The following COL4A1 variants were observed in gnomAD, a reference collection of about 807,000 sequenced individuals.
COL4A1 encodes the protein collagen type IV alpha 1 chain.
A neutral mutation model predicts 216.6 loss-of-function variants in COL4A1; 40 were observed. That is an observed-to-expected ratio of 0.18 (90% CI 0.14 to 0.24). The LOEUF (loss-of-function observed/expected upper bound fraction) is 0.24, where lower values mean the gene tolerates loss of function less well. COL4A1 is among the 10% of genes least tolerant of loss of function. COL4A1 has a pLI of 1.00. For synonymous variants in COL4A1, 839 were observed against 810.7 expected (o/e 1.03, Z -0.59); for missense variants, 1,628 against 2,196.8 (o/e 0.74, Z 5.18).
In COL4A1 at chr13:110,212,489, AG is replaced by A. The variant is rs772039868; in HGVS notation, c.325-11del. ...CTTGGCCAGGAATTCCCTGCAATGA[AG>A]AAAGTGAAAATGTAACCCAGGCAGA... On this transcript the variant is annotated splice_polypyrimidine_tract_variant and intron_variant, in intron 5 of 51. Coordinates refer to ENST00000375820, the MANE Select transcript of COL4A1 (RefSeq NM_001845.6). 6.2e-7 allele frequency: 1 copy of A among 1,614,254 alleles called. No homozygotes were observed. Among genetic ancestry groups the A allele is most frequent in the South Asian group, 1.1e-5 (1 of 91,088 alleles).
chr13:110,191,646 G>T, intron 24 of COL4A1: 1 of 687,160 alleles, frequency 1.5e-6, no homozygotes, highest in South Asian at 1.6e-5. Flanking sequence ...ATTTGAAAAA[G>T]CAACTGCACA....
At position 110,291,018 on chromosome 13, in the gene COL4A1, G is replaced by A. The variant is rs549187791; in HGVS notation, c.84+15926C>T. On this transcript the variant is annotated intron_variant, in intron 1 of 51. Transcript: ENST00000375820. ...ACCAGCACAGAGGTGCTCACAGGGC[G>A]GGTGGGGGGCTGTCCTGACCTGAAT... Among the ~76,000 whole-genome samples the A allele has an allele frequency of 8.5e-5, 13 of 152,206 alleles. No homozygotes were observed. The South Asian group carries it at 1.0e-3, about 12-fold the overall frequency.
At chr13:110,171,181 G>A (rs149020657) in intron 41 of COL4A1, among the ~76,000 whole-genome samples, 10 of 152,356 alleles carry the variant, frequency 6.6e-5, no homozygotes, top group Admixed American at 4.6e-4. Context: ...GATCTCAAAC[G>A]AATTATGTCG....
chr13:110,166,896 T>C (rs1877370183), intron 44 of COL4A1, among the ~76,000 whole-genome samples: 1 of 152,202 alleles, frequency 6.6e-6, no homozygotes, highest in African/African-American at 2.4e-5. Flanking sequence ...AATTAATGAA[T>C]AGCCCAAATC....
chr13:110,295,282 G>A (rs977404174), intron 1 of COL4A1, among the ~76,000 whole-genome samples: 6 of 145,616 alleles, frequency 4.1e-5, no homozygotes, highest in Admixed American at 3.4e-4. Context: ...TTTTTGAGAC[G>A]GAGTTTGTAC....
rs759578991 is a variant in COL4A1 at position 110,174,635 on chromosome 13, C to A, written c.3313G>T (p.Val1105Phe). The A allele has an allele frequency of 5.6e-6, 9 of 1,614,060 alleles. No homozygotes were observed. The highest frequency in any genetic ancestry group is 7.6e-6 in the Non-Finnish European group (9 of 1,180,038). The change falls in exon 38 of 52, where the codon GTT becomes TTT. Residue 1105 changes from valine to phenylalanine, a missense_variant. By Grantham distance (50) the Val-to-Phe change is conservative. This residue lies in a region of COL4A1 where 345 missense variants were observed against 476.9 expected (regional missense o/e 0.72). Transcript: ENST00000375820. The stretch of plus-strand genomic sequence containing the variant: ...CCCCCTCACCTACCTGGATAGCCAA[C>A]ACTCCCGGGAGACCCTTTAAGGCCT... The part of the protein sequence containing the change: ...SPGLKGSPGS[V>F]GYPGSPGLPG...
intron 46 of COL4A1, among the ~76,000 whole-genome samples, chr13:110,164,063 A>G (rs2139148293): frequency 7.3e-6 from 1 of 137,398 alleles, no homozygotes; most frequent in East Asian, 2.2e-4. Context: ...ACCACCGCTC[A>G]CTGCAGCCTC....
At chr13:110,208,089 A>T (rs928440676) in intron 12 of COL4A1, among the ~76,000 whole-genome samples, 6 of 152,234 alleles carry the variant, frequency 3.9e-5, no homozygotes, top group Non-Finnish European at 5.9e-5. Flanking sequence ...TGCCTCCACC[A>T]GCTTGGATGT....
chr13:110,174,568 G>T (rs1566349803), intron 38 of COL4A1, 42 bp from the exon 39 acceptor site: 1 of 1,613,958 alleles, frequency 6.2e-7, no homozygotes, highest in South Asian at 1.1e-5. Flanking sequence ...ATAAGTTTGG[G>T]CTTTTCTTTG....
intron 25 of COL4A1, 100 bp from the exon 26 acceptor site, chr13:110,186,653 T>C (rs1301680373): frequency 1.4e-6 from 2 of 1,435,632 alleles, no homozygotes; most frequent in African/African-American, 2.8e-5. Context: ...GTACTAGAGT[T>C]AACTGGCTCA....
Position 110,212,410 on chromosome 13 carries a change from G to A in COL4A1, c.387+7C>T. 6.2e-7 allele frequency: 1 copy of A among 1,613,318 alleles called. No homozygotes were observed. Reference sequence around the variant, plus strand: ...CACAAAAAGGAGGGTCTCGGTTCTGGATTTACCTTTGTGCCATTGCATCCT... The same window carrying A: ...CACAAAAAGGAGGGTCTCGGTTCTGAATTTACCTTTGTGCCATTGCATCCT... On this transcript the variant is annotated splice_region_variant and intron_variant, in intron 6 of 51. Transcript: ENST00000375820.
chr13:110,183,697 G>T (rs2278673), intron 26 of COL4A1, among the ~76,000 whole-genome samples: 58,467 of 152,088 alleles, frequency 0.38, 11,324 homozygotes, highest in East Asian at 0.45. Context: ...CTAAATTACG[G>T]TCGTTTGGTG....
At chr13:110,201,959 G>C (rs779966583) in intron 18 of COL4A1, among the ~76,000 whole-genome samples, 1 of 152,212 alleles carries the variant, frequency 6.6e-6, no homozygotes, top group Non-Finnish European at 1.5e-5. Context: ...TCCGGCCTGG[G>C]TGACGGAGTG....
intron 49 of COL4A1, among the ~76,000 whole-genome samples, chr13:110,158,460 A>G (rs1876898792): frequency 6.6e-6 from 1 of 152,226 alleles, no homozygotes; most frequent in Non-Finnish European, 1.5e-5. Flanking sequence ...CTAAAGGCAC[A>G]GCCTGGGGCA....
chr13:110,285,441 G>T (rs1387600966), intron 1 of COL4A1, among the ~76,000 whole-genome samples: 1 of 152,230 alleles, frequency 6.6e-6, no homozygotes, highest in African/African-American at 2.4e-5. Flanking sequence ...GTCTTCTGCA[G>T]TGGAAATACT....
At chr13:110,223,426 T>C (rs1262811958) in intron 2 of COL4A1, among the ~76,000 whole-genome samples, 2 of 152,210 alleles carry the variant, frequency 1.3e-5, no homozygotes, top group Non-Finnish European at 2.9e-5. Flanking sequence ...AAAAAGATGA[T>C]AACATTCTCT....
At chr13:110,176,551 C>T in intron 35 of COL4A1, 38 bp from the exon 36 acceptor site, 1 of 1,595,632 alleles carries the variant, frequency 6.3e-7, no homozygotes, top group Non-Finnish European at 8.6e-7. Flanking sequence ...AGGTTGACAT[C>T]TACAGAAAGA....
chr13:110,212,683 T>A, intron 4 of COL4A1, 65 bp from the exon 5 acceptor site: 3 of 1,576,216 alleles, frequency 1.9e-6, no homozygotes, highest in Non-Finnish European at 2.6e-6. Context: ...TCCTCCTGCA[T>A]CTCCCCGGTT....
At chr13:110,232,095 T>G (rs764943976) in intron 2 of COL4A1, among the ~76,000 whole-genome samples, 1 of 152,242 alleles carries the variant, frequency 6.6e-6, no homozygotes, top group Non-Finnish European at 1.5e-5. Flanking sequence ...CACTGTTAGC[T>G]TCTCGTGTCA....
Sources: gnomAD v4.1 joint callset for allele counts (sites outside exome capture counted in the v4.1 genomes callset) on GRCh38, gnomAD v4.1.1 for gene constraint, gnomAD v4.1.1 regional missense constraint, MANE v1.5 for transcripts, NCBI Gene and HGNC (gene_info 2026-07-23, HGNC 2026-07-21) for gene names.